Variants in ESRP1 observed in about 807,000 individuals in gnomAD.
ESRP1 encodes epithelial splicing regulatory protein 1.
In ESRP1, 33 loss-of-function variants were observed where a neutral mutation model predicts 81.7. The ratio of observed to expected loss-of-function variants is 0.40; its 90% CI spans 0.31 to 0.54. ESRP1 has a LOEUF of 0.54. Among genes scored for constraint, ESRP1 ranks in the 20% least tolerant of loss-of-function variants. The pLI is 0.41. For missense variants in ESRP1, 672 were observed against 833.1 expected (o/e 0.81, Z 2.38); for synonymous variants, 320 against 303.3 (o/e 1.06, Z -0.57).
Position 94,683,904 on chromosome 8 carries a change from A to G in ESRP1, c.1820+5533A>G, listed in dbSNP as rs569103453. On this transcript the variant is annotated intron_variant, in intron 13 of 15. Coordinates refer to ENST00000433389, the MANE Select transcript of ESRP1 (RefSeq NM_017697.4). ...ACCCTTTGCTAATGTAAAAACTTCA[A>G]TGGCGCGATCTCAGCTCACCACAAC... 2.6e-5 allele frequency among the ~76,000 whole-genome samples: 4 copies of G among 152,298 alleles called. No homozygotes were observed. In the East Asian group the frequency reaches 7.7e-4, roughly 29 times the overall value.
chr8:94,649,010 C>T (rs1817981187), intron 4 of ESRP1, among the ~76,000 whole-genome samples: 1 of 152,108 alleles, frequency 6.6e-6, no homozygotes, highest in Non-Finnish European at 1.5e-5. Context: ...CACTTGAGTT[C>T]AAGAGTTCAA....
chr8:94,671,721 T>A, intron 11 of ESRP1, 50 bp downstream of exon 11: 1 of 1,312,008 alleles, frequency 7.6e-7, no homozygotes, highest in Non-Finnish European at 1.1e-6. Flanking sequence ...TCACTACATA[T>A]GAGAAATATC....
chr8:94,651,999 T>TTTC, intron 4 of ESRP1, among the ~76,000 whole-genome samples: 1 of 142,150 alleles, frequency 7.0e-6, no homozygotes, highest in East Asian at 2.0e-4. Flanking sequence ...TTTTTTTTTT[T>TTTC]TTTTTTTTTT....
rs1245822244 is a variant in ESRP1, at chr8:94,707,240, A to G, written c.*1351A>G. 1 of 152,182 alleles carries G rather than the reference A, an allele frequency of 6.6e-6. No individual in the cohort carries two copies. Among genetic ancestry groups the G allele is most frequent in the East Asian group, 1.9e-4 (1 of 5,188 alleles). 9.4% of individuals were successfully genotyped at this position (152,182 alleles called of 1,614,324 possible). ...CATTTCCTTCTTCAGCTGACTGGCA[A>G]TGGCCCTTTAACTGCAATAGGAAGA... On this transcript the variant is annotated 3_prime_UTR_variant, in exon 16 of 16. Coordinates refer to ENST00000433389, the MANE Select transcript of ESRP1 (RefSeq NM_017697.4).
chr8:94,706,277 A>G lies in ESRP1; in HGVS notation c.*388A>G. 1 of 263,358 alleles carries G rather than the reference A, an allele frequency of 3.8e-6. No individual in the cohort carries two copies. Among genetic ancestry groups the G allele is most frequent in the Non-Finnish European group, 7.2e-6 (1 of 138,754 alleles). 16.3% of individuals were successfully genotyped at this position (263,358 alleles called of 1,614,324 possible). On this transcript the variant is annotated 3_prime_UTR_variant, in exon 16 of 16. Coordinates refer to ENST00000433389, the MANE Select transcript of ESRP1 (RefSeq NM_017697.4). ...TCCACCAGTGTCTACCATCTCCACC[A>G]TGAACTCTGTTAAGGAAGCTTCATT...
At chr8:94,705,774 T>C in intron 15 of ESRP1, 151 bp from the exon 16 acceptor site, 1 of 682,252 alleles carries the variant, frequency 1.5e-6, no homozygotes. Flanking sequence ...AAATGCCAAC[T>C]ATGTCTGTGT....
intron 13 of ESRP1, among the ~76,000 whole-genome samples, chr8:94,687,771 T>C (rs946359929): frequency 6.6e-6 from 1 of 152,212 alleles, no homozygotes; most frequent in Non-Finnish European, 1.5e-5. Context: ...AATTGGATTA[T>C]TTTCACTTGT....
At position 94,665,117 on chromosome 8, in the gene ESRP1, A is replaced by AATTAACAT. The variant is rs771129422; in HGVS notation, c.889-36_889-35insTTAACATA. 9.9e-6 allele frequency: 16 copies of AATTAACAT among 1,613,780 alleles called. No individual in the cohort carries two copies. In the South Asian group the frequency reaches 1.8e-4, roughly 18 times the overall value. On this transcript the variant is annotated intron_variant, in intron 8 of 15. Coordinates refer to ENST00000433389, the MANE Select transcript of ESRP1 (RefSeq NM_017697.4). The stretch of plus-strand genomic sequence containing the variant: ...GTGAATGAGAATTAACATAGGACGG[A>AATTAACAT]AGGCTCAGAAACACTAACTTCTCTG...
intron 4 of ESRP1, among the ~76,000 whole-genome samples, chr8:94,660,403 AC>A (rs1308887336): frequency 6.6e-6 from 1 of 152,140 alleles, no homozygotes; most frequent in Non-Finnish European, 1.5e-5. Flanking sequence ...GGAGTTCAAG[AC>A]CAGCCTGGCC....
At chr8:94,667,435 T>TA (rs3045883) in intron 9 of ESRP1, among the ~76,000 whole-genome samples, 55,679 of 147,734 alleles carry the variant, frequency 0.38, 10,692 homozygotes, top group African/African-American at 0.47. Context: ...CTTTCTTAAT[T>TA]AAAAAAAAAA....
At chr8:94,696,826 C>A in intron 14 of ESRP1, 26 bp from the exon 15 acceptor site, 4 of 1,517,626 alleles carry the variant, frequency 2.6e-6, no homozygotes, top group Non-Finnish European at 3.6e-6. Flanking sequence ...GTCTTTTGAT[C>A]TTGTTTGTTT....
intron 3 of ESRP1, among the ~76,000 whole-genome samples, chr8:94,645,653 C>T (rs1817809478): frequency 6.7e-6 from 1 of 148,288 alleles, no homozygotes; most frequent in African/African-American, 2.4e-5. Flanking sequence ...TTATTTGGCA[C>T]AGAAATAAGC....
intron 12 of ESRP1, among the ~76,000 whole-genome samples, chr8:94,676,523 C>T (rs891062049): frequency 1.5e-4 from 22 of 151,686 alleles, no homozygotes; most frequent in Admixed American, 3.3e-4. Context: ...TGTTTTGAGA[C>T]GGAGTCTTGC....
chr8:94,643,390 A>C lies in ESRP1; in HGVS notation c.349A>C (p.Ile117Leu), dbSNP rs1817706909. 6.2e-7 allele frequency: 1 copy of C among 1,613,558 alleles called. No homozygotes were observed. The highest frequency in any genetic ancestry group is 8.5e-7 in the Non-Finnish European group (1 of 1,179,488). The change falls in exon 3 of 16, where the codon ATC becomes CTC. Residue 117 changes from isoleucine (I) to leucine (L), a missense_variant. Ile to Leu is a conservative substitution (Grantham distance 5). Transcript: ENST00000433389. ...TGATGGGCAGCTTCATGTCAGGCAAATCCTGCATCCTGAGGCTTCCAAGAA... is the reference window on the plus strand; with the variant it reads ...TGATGGGCAGCTTCATGTCAGGCAACTCCTGCATCCTGAGGCTTCCAAGAA... ...CTDGQLHVRQ[I>L]LHPEASKKNV...
intron 13 of ESRP1, among the ~76,000 whole-genome samples, chr8:94,681,838 G>A (rs939177888): frequency 2.0e-5 from 3 of 152,038 alleles, no homozygotes; most frequent in Non-Finnish European, 2.9e-5. Flanking sequence ...GGAGGCCAAG[G>A]CAGAAGAATC....
At chr8:94,682,712 C>T (rs1260467251) in intron 13 of ESRP1, among the ~76,000 whole-genome samples, 1 of 149,012 alleles carries the variant, frequency 6.7e-6, no homozygotes, top group Non-Finnish European at 1.5e-5. Context: ...GGAAGTTTTA[C>T]TTTTTTTAAT....
chr8:94,668,279 C>T lies in ESRP1; in HGVS notation c.1233+29C>T, dbSNP rs988450898. ...GGTTTTAAAAACAAGTATGTTGTAC[C>T]TTTGCATTAATTTCTGTTCTTTATC... is the stretch of plus-strand genomic sequence containing the variant. On this transcript the variant is annotated intron_variant, in intron 10 of 15. Coordinates refer to ENST00000433389, the MANE Select transcript of ESRP1 (RefSeq NM_017697.4). 4 of 1,523,428 alleles carry T rather than the reference C, an allele frequency of 2.6e-6. No homozygotes were observed. The East Asian group carries it at 9.1e-5, about 35-fold the overall frequency. 94.4% of individuals were successfully genotyped at this position (1,523,428 alleles called of 1,614,324 possible). A position where few individuals can be genotyped will look rare whatever the true frequency, so the allele number is the denominator to read the frequency against.
At chr8:94,701,081 T>A (rs1236671027) in intron 15 of ESRP1, among the ~76,000 whole-genome samples, 1 of 151,536 alleles carries the variant, frequency 6.6e-6, no homozygotes, top group Non-Finnish European at 1.5e-5. Flanking sequence ...GAGACCAGTC[T>A]GGCCAACGTG....
intron 13 of ESRP1, among the ~76,000 whole-genome samples, chr8:94,680,216 A>G (rs953999376): frequency 1.3e-5 from 2 of 152,140 alleles, no homozygotes; most frequent in African/African-American, 4.8e-5. Flanking sequence ...TTAAAAAGGA[A>G]GGTCAGGTGC....
Sources: allele counts gnomAD v4.1 joint callset (sites outside exome capture counted in the v4.1 genomes callset), GRCh38; gene constraint gnomAD v4.1.1; transcripts MANE v1.5; gene names NCBI Gene and HGNC (gene_info 2026-07-23, HGNC 2026-07-21).